Variants in RSRC1 observed in about 807,000 individuals in gnomAD.
RSRC1 encodes the protein arginine and serine rich coiled-coil 1.
RSRC1 carries 39 observed loss-of-function variants against 49.1 expected under a neutral mutation model. The observed-to-expected ratio is 0.79, with a 90% CI of 0.61 to 1.04. RSRC1 has a LOEUF of 1.04. Ranked by LOEUF, RSRC1 falls within the 50% of genes least tolerant of loss-of-function variation. The pLI is 0.00. For synonymous variants in RSRC1, 143 were observed against 130.8 expected, an observed-to-expected ratio of 1.09 and a Z score of -0.63; for missense variants, 388 against 402.4, an observed-to-expected ratio of 0.96 and a Z score of 0.31.
At chr3:158,344,356 CAG>C (rs1730431790) in intron 5 of RSRC1, among the ~76,000 whole-genome samples, 2 of 151,970 alleles carry the variant, frequency 1.3e-5, no homozygotes, top group Admixed American at 6.5e-5. Context: ...GTCTTAAAAA[CAG>C]AGAAAAATAT....
chr3:158,411,631 C>G (rs1734471021), intron 6 of RSRC1, among the ~76,000 whole-genome samples: 1 of 152,032 alleles, frequency 6.6e-6, no homozygotes, highest in Non-Finnish European at 1.5e-5. Flanking sequence ...AATCCTCCTA[C>G]CTCAGCCTCC....
intron 4 of RSRC1, among the ~76,000 whole-genome samples, chr3:158,294,172 C>G (rs1188480844): frequency 6.6e-6 from 1 of 152,012 alleles, no homozygotes; most frequent in Non-Finnish European, 1.5e-5. Context: ...CACTTCTACT[C>G]CTGTTCTTAA....
At chr3:158,223,377 G>A (rs1419123002) in intron 4 of RSRC1, among the ~76,000 whole-genome samples, 1 of 151,580 alleles carries the variant, frequency 6.6e-6, no homozygotes, top group Non-Finnish European at 1.5e-5. Flanking sequence ...AGGCTTTTCA[G>A]GCTGAGAGGC....
intron 6 of RSRC1, among the ~76,000 whole-genome samples, chr3:158,395,375 A>G (rs986990732): frequency 2.6e-5 from 4 of 152,176 alleles, no homozygotes; most frequent in South Asian, 2.1e-4. Flanking sequence ...AAAAGAAACT[A>G]TCAAGAGGGT....
At chr3:158,289,479 A>T (rs1338189836) in intron 4 of RSRC1, among the ~76,000 whole-genome samples, 1 of 152,238 alleles carries the variant, frequency 6.6e-6, no homozygotes, top group Admixed American at 6.5e-5. Flanking sequence ...CAAAACACTT[A>T]AATTTTGTTA....
chr3:158,429,978 A>G (rs1374241090), intron 6 of RSRC1, among the ~76,000 whole-genome samples: 1 of 151,762 alleles, frequency 6.6e-6, no homozygotes, highest in Non-Finnish European at 1.5e-5. Context: ...CATGGTACCT[A>G]TAGTAAACAA....
chr3:158,130,919 A>G (rs1396194592), intron 3 of RSRC1, among the ~76,000 whole-genome samples: 1 of 152,144 alleles, frequency 6.6e-6, no homozygotes, highest in East Asian at 1.9e-4. Context: ...ATTTTCCATG[A>G]AAACAATTAA....
intron 4 of RSRC1, among the ~76,000 whole-genome samples, chr3:158,242,496 A>G (rs1397124100): frequency 6.6e-6 from 1 of 152,148 alleles, no homozygotes; most frequent in South Asian, 2.1e-4. Context: ...TATTGTGAAT[A>G]ATGCTGTAAT....
chr3:158,434,021 C>T (rs1357832311), intron 6 of RSRC1, among the ~76,000 whole-genome samples: 4 of 151,902 alleles, frequency 2.6e-5, no homozygotes, highest in East Asian at 3.9e-4. Flanking sequence ...ACTCCAAAGA[C>T]GTTAAAACTA....
chr3:158,354,734 T>C, intron 5 of RSRC1, 123 bp from the exon 6 acceptor site: 2 of 666,394 alleles, frequency 3.0e-6, no homozygotes, highest in Admixed American at 6.9e-5. Context: ...TTAATATAAA[T>C]TATGTTAAAG....
rs143374347 is a variant in RSRC1, at chr3:158,472,598, C to G, written c.652+11595C>G. 4.6e-5 allele frequency among the ~76,000 whole-genome samples: 7 copies of G among 152,220 alleles called. No homozygotes were observed. The East Asian group carries it at 7.7e-4, about 17-fold the overall frequency. On this transcript the variant is annotated intron_variant, in intron 7 of 9. Coordinates refer to ENST00000611884, the MANE Select transcript of RSRC1 (RefSeq NM_001271838.2). ...ATGTTTTTTCCTTACCCAAATCACTCTCATACTGTAAATATAAAAGGATGA... is the reference window on the plus strand; with the variant it reads ...ATGTTTTTTCCTTACCCAAATCACTGTCATACTGTAAATATAAAAGGATGA...
chr3:158,523,419 A>G (rs565555599), intron 7 of RSRC1, among the ~76,000 whole-genome samples: 12 of 152,188 alleles, frequency 7.9e-5, no homozygotes, highest in Admixed American at 7.9e-4. Context: ...TCAAGACTAT[A>G]TATTACTATA....
intron 4 of RSRC1, among the ~76,000 whole-genome samples, chr3:158,234,342 T>C (rs1723124401): frequency 6.6e-6 from 1 of 152,326 alleles, no homozygotes; most frequent in Non-Finnish European, 1.5e-5. Context: ...AACTGAAGTT[T>C]AGCTTCCACC....
At chr3:158,525,862 G>A (rs1329412258) in intron 7 of RSRC1, among the ~76,000 whole-genome samples, 1 of 151,938 alleles carries the variant, frequency 6.6e-6, no homozygotes, top group Non-Finnish European at 1.5e-5. Flanking sequence ...AAGCAGATCT[G>A]TGGTTGTCTG....
At chr3:158,372,889 T>G (rs547863698) in intron 6 of RSRC1, among the ~76,000 whole-genome samples, 73 of 152,028 alleles carry the variant, frequency 4.8e-4, no homozygotes, top group African/African-American at 1.7e-3. Context: ...ATTTGTCGTT[T>G]CCAGCACATA....
In RSRC1 at chr3:158,411,802, T is replaced by G. The variant is rs73170392; in HGVS notation, c.584-49133T>G. Among the ~76,000 whole-genome samples, 908 of 152,174 alleles carry G rather than the reference T, an allele frequency of 6.0e-3. 8 individuals carry two copies. The highest frequency in any genetic ancestry group is 0.041 in the Middle Eastern group (12 of 294). On this transcript the variant is annotated intron_variant, in intron 6 of 9. Coordinates refer to ENST00000611884, the MANE Select transcript of RSRC1 (RefSeq NM_001271838.2). ...TTGAGTGTTTAGGCCATTTTAGTGT[T>G]TGTTTGTTTCTTTTTCCTTATTGAC...
At chr3:158,392,891 C>T (rs1733397160) in intron 6 of RSRC1, among the ~76,000 whole-genome samples, 1 of 152,086 alleles carries the variant, frequency 6.6e-6, no homozygotes, top group Non-Finnish European at 1.5e-5. Flanking sequence ...TTCTCATCTG[C>T]ATATGGCACA....
chr3:158,125,118 C>G (rs1715532966), intron 3 of RSRC1, among the ~76,000 whole-genome samples: 2 of 151,988 alleles, frequency 1.3e-5, no homozygotes, highest in African/African-American at 4.8e-5. Flanking sequence ...CTTGCCCGGC[C>G]TCATTTTTTC....
At chr3:158,146,529 G>A (rs867541905) in intron 3 of RSRC1, among the ~76,000 whole-genome samples, 7 of 152,156 alleles carry the variant, frequency 4.6e-5, no homozygotes, top group Middle Eastern at 3.2e-3. Context: ...GGTTCGGTTT[G>A]CCAGTATTTT....
Sources: gnomAD v4.1 joint callset for allele counts (sites outside exome capture counted in the v4.1 genomes callset) on GRCh38, gnomAD v4.1.1 for gene constraint, MANE v1.5 for transcripts, NCBI Gene and HGNC (gene_info 2026-07-23, HGNC 2026-07-21) for gene names.